SMARCA2: variants seen among roughly 807,000 people sequenced by gnomAD.
SMARCA2 encodes SWI/SNF related BAF chromatin remodeling complex subunit ATPase 2, also known as SWI/SNF-related matrix-associated actin-dependent regulator of chromatin subfamily A member 2.
SMARCA2 carries 61 observed loss-of-function variants against 199.8 expected under a neutral mutation model. The observed-to-expected ratio is 0.31, with a 90% CI of 0.25 to 0.38. The LOEUF (loss-of-function observed/expected upper bound fraction) is 0.38, where lower values mean the gene tolerates loss of function less well. Ranked by LOEUF, SMARCA2 falls within the 10% of genes least tolerant of loss-of-function variation. The pLI is 1.00. For synonymous variants in SMARCA2, 935 were observed against 732.0 expected, an observed-to-expected ratio of 1.28 and a Z score of -4.48; for missense variants, 1,344 against 2,012.2, an observed-to-expected ratio of 0.67 and a Z score of 6.35.
chr9:2,053,285 T>G (rs1448998178), intron 5 of SMARCA2, among the ~76,000 whole-genome samples: 1 of 152,236 alleles, frequency 6.6e-6, no homozygotes, highest in East Asian at 1.9e-4. Flanking sequence ...TGCATCCATG[T>G]TGCTGCAAAG....
At position 2,105,492 on chromosome 9, in the gene SMARCA2, G is replaced by T. The variant is rs548714956; in HGVS notation, c.3292+1323G>T. Among the ~76,000 whole-genome samples the T allele has an allele frequency of 2.6e-5, 4 of 152,062 alleles. No homozygotes were observed. The South Asian group carries it at 8.3e-4, about 31-fold the overall frequency. Reference sequence around the variant, plus strand: ...TGGTCTTGAACTCCTGACCTCAAGTGATCCACCTGCCTCGGCCTCCCACAG... The same window carrying T: ...TGGTCTTGAACTCCTGACCTCAAGTTATCCACCTGCCTCGGCCTCCCACAG... On this transcript the variant is annotated intron_variant, in intron 23 of 33. Coordinates refer to ENST00000349721, the MANE Select transcript of SMARCA2 (RefSeq NM_003070.5).
Position 2,104,108 on chromosome 9 carries a change from T to G in SMARCA2, c.3231T>G (p.Ser1077=), listed in dbSNP as rs143428093. ...HRVLLFCQMT[S]LMTIMEDYFA... The stretch of plus-strand genomic sequence containing the variant: ...TGCTGCTTTTCTGCCAGATGACATC[T>G]CTCATGACCATCATGGAGGATTATT... Residue 1077 remains serine, a synonymous_variant, in exon 23 of 34, where the codon TCT becomes TCG. Coordinates refer to ENST00000349721, the MANE Select transcript of SMARCA2 (RefSeq NM_003070.5). This position sits in a 1 kb window ranked among gnomAD's most constrained non-coding sequence, Gnocchi z 4.0. The G allele has an allele frequency of 2.3e-5, 37 of 1,613,988 alleles. No individual in the cohort carries two copies. The highest frequency in any genetic ancestry group is 3.1e-5 in the Non-Finnish European group (36 of 1,180,002).
At chr9:2,025,481 G>C (rs953944114) in intron 1 of SMARCA2, among the ~76,000 whole-genome samples, 25 of 152,172 alleles carry the variant, frequency 1.6e-4, no homozygotes, top group African/African-American at 5.8e-4. Context: ...GTTATTATGT[G>C]AGCAGACCTA....
intron 27 of SMARCA2, among the ~76,000 whole-genome samples, chr9:2,137,670 C>T (rs1006852112): frequency 2.0e-4 from 31 of 152,182 alleles, no homozygotes; most frequent in African/African-American, 6.8e-4. Flanking sequence ...CTGTTCCTCT[C>T]CACTGGTATA....
Position 2,049,723 on chromosome 9 carries a change from T to C in SMARCA2, c.1046+2239T>C, listed in dbSNP as rs150918689. Among the ~76,000 whole-genome samples, 174 of 152,334 alleles carry C rather than the reference T, an allele frequency of 1.1e-3. 2 individuals are homozygous for C. The highest frequency in any genetic ancestry group is 4.0e-3 in the African/African-American group (165 of 41,586). On this transcript the variant is annotated intron_variant, in intron 5 of 33. Coordinates refer to ENST00000349721, the MANE Select transcript of SMARCA2 (RefSeq NM_003070.5). ...TCTCTTCTGCCTATTTGAAGGTAAG[T>C]TGTTCAACTGCAGAGATTAAATTTA...
intron 29 of SMARCA2, among the ~76,000 whole-genome samples, chr9:2,177,049 C>G (rs1487091739): frequency 6.6e-6 from 1 of 152,176 alleles, no homozygotes; most frequent in Non-Finnish European, 1.5e-5. Flanking sequence ...ATGCTTGTAA[C>G]ACCTGCTTCA....
chr9:2,185,227 TC>T (rs1170409875), intron 31 of SMARCA2, among the ~76,000 whole-genome samples: 1 of 152,216 alleles, frequency 6.6e-6, no homozygotes, highest in African/African-American at 2.4e-5. Flanking sequence ...ACTTTCTGTT[TC>T]TATGAATTTG....
At chr9:2,023,677 G>T (rs1818700909) in intron 1 of SMARCA2, among the ~76,000 whole-genome samples, 1 of 152,092 alleles carries the variant, frequency 6.6e-6, no homozygotes, top group South Asian at 2.1e-4. Flanking sequence ...GGAAACTTCG[G>T]GTAGATTTAT....
intron 30 of SMARCA2, 114 bp downstream of exon 30, chr9:2,181,790 A>C: frequency 1.5e-6 from 1 of 661,760 alleles, no homozygotes; most frequent in Admixed American, 2.6e-5. Context: ...AGGGCTCGCG[A>C]CAGGAAAGGT....
At chr9:2,131,763 A>C (rs1036833396) in intron 27 of SMARCA2, among the ~76,000 whole-genome samples, 1 of 152,110 alleles carries the variant, frequency 6.6e-6, no homozygotes, top group South Asian at 2.1e-4. Flanking sequence ...AGCATGGCGA[A>C]ACCCCGTCTC....
intron 29 of SMARCA2, among the ~76,000 whole-genome samples, chr9:2,177,022 G>A (rs761349596): frequency 7.2e-5 from 11 of 152,190 alleles, no homozygotes; most frequent in African/African-American, 1.7e-4. Flanking sequence ...GATCTCAGTA[G>A]CAAATATGGA....
intron 27 of SMARCA2, among the ~76,000 whole-genome samples, chr9:2,127,365 T>A (rs539368650): frequency 6.6e-6 from 1 of 152,180 alleles, no homozygotes; most frequent in Non-Finnish European, 1.5e-5. Flanking sequence ...TGGGTAATGT[T>A]CACTGCTGCC....
At chr9:2,045,304 C>T (rs1819790189) in intron 4 of SMARCA2, 1 of 152,150 alleles carries the variant, frequency 6.6e-6, no homozygotes, top group East Asian at 1.9e-4. Flanking sequence ...TTTAATTCTA[C>T]CAGCTTCTTG....
Position 2,149,128 on chromosome 9 carries a change from C to A in SMARCA2, c.3982-12558C>A, listed in dbSNP as rs182899012. Among the ~76,000 whole-genome samples, 2 of 151,478 alleles carry A rather than the reference C, an allele frequency of 1.3e-5. 1 individual carries two copies. Among genetic ancestry groups the A allele is most frequent in the Non-Finnish European group, 3.0e-5 (2 of 67,714 alleles). The stretch of plus-strand genomic sequence containing the variant: ...AGAAAAGGAGGTTTAATTGGACTTA[C>A]AGTTCCACATGGCTGGGGAGGCCTC... On this transcript the variant is annotated intron_variant, in intron 27 of 33. Coordinates refer to ENST00000349721, the MANE Select transcript of SMARCA2 (RefSeq NM_003070.5).
intron 28 of SMARCA2, among the ~76,000 whole-genome samples, chr9:2,165,511 AC>A (rs1825890713): frequency 6.6e-6 from 1 of 152,164 alleles, no homozygotes; most frequent in Non-Finnish European, 1.5e-5. Flanking sequence ...CAGAGGTAGT[AC>A]TGGTCTGTTG....
At chr9:2,071,684 A>T (rs1199852090) in intron 10 of SMARCA2, among the ~76,000 whole-genome samples, 8 of 152,274 alleles carry the variant, frequency 5.3e-5, no homozygotes, top group African/African-American at 1.9e-4. Flanking sequence ...GTTCTCATTC[A>T]GCGCTTTTGC....
intron 32 of SMARCA2, among the ~76,000 whole-genome samples, chr9:2,189,659 C>T (rs1827742470): frequency 6.6e-6 from 1 of 151,964 alleles, no homozygotes; most frequent in African/African-American, 2.4e-5. Context: ...AGTTACTCCA[C>T]CCAAAGCAAA....
chr9:2,159,715 A>C, intron 27 of SMARCA2: 1 of 1,464,080 alleles, frequency 6.8e-7, no homozygotes, highest in Non-Finnish European at 9.2e-7. Flanking sequence ...AGCAGATTTG[A>C]GTATCCACAA....
At chr9:2,173,416 C>T (rs1175351137) in intron 29 of SMARCA2, among the ~76,000 whole-genome samples, 1 of 152,194 alleles carries the variant, frequency 6.6e-6, no homozygotes, top group African/African-American at 2.4e-5. Context: ...GTAATGATAG[C>T]TCTCAAGCCC....
Sources: gnomAD v4.1 joint callset for allele counts (sites outside exome capture counted in the v4.1 genomes callset) on GRCh38, gnomAD v4.1.1 for gene constraint, Gnocchi (gnomAD v3.1) non-coding constraint, MANE v1.5 for transcripts, NCBI Gene and HGNC (gene_info 2026-07-23, HGNC 2026-07-21) for gene names.